SLC25A21: variants seen among roughly 807,000 people sequenced by gnomAD.
The protein encoded by SLC25A21 is mitochondrial 2-oxodicarboxylate carrier.
A neutral mutation model predicts 43.8 loss-of-function variants in SLC25A21; 47 were observed. That is an observed-to-expected ratio of 1.07 (90% confidence interval 0.85 to 1.37). The LOEUF (loss-of-function observed/expected upper bound fraction) is 1.37, where lower values mean the gene tolerates loss of function less well. SLC25A21 is among the 40% of genes most tolerant of loss of function. SLC25A21 has a pLI of 0.00. For synonymous variants in SLC25A21, 131 were observed against 121.3 expected (o/e 1.08, Z -0.52); for missense variants, 352 against 350.2 (o/e 1.00, Z -0.04).
rs573023792 is a variant in SLC25A21, at chr14:36,821,678, G to A, written c.120-7677C>T. Reference sequence around the variant, plus strand: ...CTAAAAATACGAAAATTAGCCGGGCGTGGTGGCAGACACCTGTTATCCCAG... The same window carrying A: ...CTAAAAATACGAAAATTAGCCGGGCATGGTGGCAGACACCTGTTATCCCAG... On this transcript the variant is annotated intron_variant, in intron 2 of 9. Coordinates refer to ENST00000331299, the MANE Select transcript of SLC25A21 (RefSeq NM_030631.4). Among the ~76,000 whole-genome samples, 64 of 152,154 alleles carry A rather than the reference G, an allele frequency of 4.2e-4. No individual in the cohort carries two copies. The South Asian group carries it at 7.7e-3, about 18-fold the overall frequency.
At chr14:36,892,169 C>T (rs1392140087) in intron 1 of SLC25A21, among the ~76,000 whole-genome samples, 1 of 152,096 alleles carries the variant, frequency 6.6e-6, no homozygotes, top group East Asian at 1.9e-4. Context: ...TAAATTAGTA[C>T]AGCCATTATG....
intron 1 of SLC25A21, among the ~76,000 whole-genome samples, chr14:37,013,487 A>G (rs991912355): frequency 9.9e-5 from 15 of 152,208 alleles, no homozygotes; most frequent in African/African-American, 3.6e-4. Flanking sequence ...TATCTTAACC[A>G]TCAAAGTTTC....
chr14:36,788,909 G>A (rs1246882813), intron 3 of SLC25A21: 1 of 152,046 alleles, frequency 6.6e-6, no homozygotes, highest in African/African-American at 2.4e-5. Flanking sequence ...TATGGCTTAC[G>A]AGACTTGTCA....
chr14:36,835,852 T>C (rs563818006), intron 2 of SLC25A21, among the ~76,000 whole-genome samples: 13 of 152,326 alleles, frequency 8.5e-5, no homozygotes, highest in Non-Finnish European at 1.6e-4. Flanking sequence ...TGACCAAAAG[T>C]AGATCCTTTC....
rs140489529 is a variant in SLC25A21, at chr14:37,000,819, C to T, written c.71-125815G>A. ...CTTTTTCACTGCCTCGCTCTCCCTG[C>T]TCCCATGTGAAGAAGGTGCTTGCTT... On this transcript the variant is annotated intron_variant, in intron 1 of 9. Coordinates refer to ENST00000331299, the MANE Select transcript of SLC25A21 (RefSeq NM_030631.4). Among the ~76,000 whole-genome samples, 39 of 152,238 alleles carry T rather than the reference C, an allele frequency of 2.6e-4. 1 individual carries two copies. Among genetic ancestry groups the T allele is most frequent in the African/African-American group, 9.1e-4 (38 of 41,564 alleles).
At chr14:37,018,736 T>A (rs1432610568) in intron 1 of SLC25A21, among the ~76,000 whole-genome samples, 2 of 151,980 alleles carry the variant, frequency 1.3e-5, no homozygotes, top group Non-Finnish European at 2.9e-5. Flanking sequence ...CATCCCTTCA[T>A]GCACTCTAAG....
intron 1 of SLC25A21, among the ~76,000 whole-genome samples, chr14:36,959,498 C>T (rs867228806): frequency 1.3e-5 from 2 of 152,020 alleles, no homozygotes; most frequent in South Asian, 2.1e-4. Flanking sequence ...CAGTCCTTGC[C>T]CACATTTTCC....
At chr14:36,680,806 G>A (rs966197072) in intron 9 of SLC25A21, 87 bp from the exon 10 acceptor site, 7 of 1,211,462 alleles carry the variant, frequency 5.8e-6, no homozygotes, top group Admixed American at 1.9e-5. Context: ...ATGATGTCTC[G>A]CACAGCCTGT....
chr14:37,075,403 A>G (rs1297452502), intron 1 of SLC25A21, among the ~76,000 whole-genome samples: 2 of 152,108 alleles, frequency 1.3e-5, no homozygotes, highest in Non-Finnish European at 2.9e-5. Context: ...ATATTGATAG[A>G]CCCAGACAAT....
At chr14:37,059,647 T>G (rs1961902393) in intron 1 of SLC25A21, among the ~76,000 whole-genome samples, 1 of 152,208 alleles carries the variant, frequency 6.6e-6, no homozygotes, top group South Asian at 2.1e-4. Flanking sequence ...TTTGAGTGTT[T>G]ACTGCCAAGA....
intron 3 of SLC25A21, among the ~76,000 whole-genome samples, chr14:36,754,726 C>T (rs1006520433): frequency 2.0e-5 from 2 of 100,880 alleles, no homozygotes; most frequent in African/African-American, 1.3e-4. Flanking sequence ...AAAGACAGTG[C>T]CCAAAAGAGA....
intron 1 of SLC25A21, among the ~76,000 whole-genome samples, chr14:37,117,717 G>A (rs1963130503): frequency 6.6e-6 from 1 of 152,172 alleles, no homozygotes; most frequent in Non-Finnish European, 1.5e-5. Context: ...CCTTCAAATA[G>A]TGGGGTTAAG....
At chr14:36,798,045 T>C (rs2138414527) in intron 3 of SLC25A21, among the ~76,000 whole-genome samples, 1 of 152,264 alleles carries the variant, frequency 6.6e-6, no homozygotes, top group Admixed American at 6.5e-5. Flanking sequence ...AAATCCTAAA[T>C]AAATGATGGT....
intron 1 of SLC25A21, among the ~76,000 whole-genome samples, chr14:37,025,485 T>A (rs556899682): frequency 3.3e-5 from 5 of 152,244 alleles, no homozygotes; most frequent in South Asian, 2.1e-4. Flanking sequence ...TTAATAAACG[T>A]GATTATCATA....
intron 3 of SLC25A21, 96 bp from the exon 4 acceptor site, chr14:36,734,669 C>T: frequency 1.2e-6 from 1 of 835,768 alleles, no homozygotes; most frequent in Non-Finnish European, 2.0e-6. Context: ...CCCGATTATT[C>T]AACATAGCAC....
intron 1 of SLC25A21, among the ~76,000 whole-genome samples, chr14:36,936,741 T>C (rs1331247038): frequency 1.3e-5 from 2 of 152,210 alleles, no homozygotes; most frequent in Non-Finnish European, 2.9e-5. Context: ...AGTTTTAAAA[T>C]GAATTTTATT....
chr14:37,021,156 G>C (rs1166844396), intron 1 of SLC25A21, among the ~76,000 whole-genome samples: 2 of 151,952 alleles, frequency 1.3e-5, no homozygotes, highest in Non-Finnish European at 2.9e-5. Context: ...AGTGGGCAAA[G>C]GACCGATTGT....
intron 1 of SLC25A21, among the ~76,000 whole-genome samples, chr14:36,918,637 C>G (rs1891894952): frequency 6.6e-6 from 1 of 152,014 alleles, no homozygotes; most frequent in East Asian, 1.9e-4. Context: ...TTGTGTGAAT[C>G]TAGAGCCATT....
intron 1 of SLC25A21, among the ~76,000 whole-genome samples, chr14:36,956,201 C>T (rs958770636): frequency 3.3e-5 from 5 of 152,116 alleles, no homozygotes; most frequent in African/African-American, 7.2e-5. Context: ...TTTCTCTCCC[C>T]GAATACTGAC....
Sources: gnomAD v4.1 joint callset for allele counts (sites outside exome capture counted in the v4.1 genomes callset) on GRCh38, gnomAD v4.1.1 for gene constraint, MANE v1.5 for transcripts, NCBI Gene and HGNC (gene_info 2026-07-23, HGNC 2026-07-21) for gene names.